The following B3GALNT2 variants were observed in gnomAD, a reference collection of about 807,000 sequenced individuals.
B3GALNT2 encodes the protein beta-1,3-N-acetylgalactosaminyltransferase 2, also known as UDP-GalNAc:beta-1,3-N-acetylgalactosaminyltransferase 2.
A neutral mutation model predicts 61.1 loss-of-function variants in B3GALNT2; 53 were observed. The observed-to-expected ratio is 0.87, with a 90% CI of 0.70 to 1.09. The LOEUF (loss-of-function observed/expected upper bound fraction) is 1.09, where lower values mean the gene tolerates loss of function less well. Ranked by LOEUF, B3GALNT2 falls within the 50% of genes least tolerant of loss-of-function variation. The pLI, the probability that B3GALNT2 is intolerant of heterozygous loss-of-function variation, is 0.00. For missense variants in B3GALNT2, 544 were observed against 623.0 expected, an observed-to-expected ratio of 0.87 and a Z score of 1.35; for synonymous variants, 223 against 237.4, an observed-to-expected ratio of 0.94 and a Z score of 0.56.
At chr1:235,496,311 G>GAAAAA in intron 1 of B3GALNT2, 2 of 752,998 alleles carry the variant, frequency 2.7e-6, no homozygotes, top group South Asian at 5.3e-5. Flanking sequence ...GACTCCACCT[G>GAAAAA]AAAAAAAAAA....
chr1:235,479,893 C>A, intron 5 of B3GALNT2, 161 bp downstream of exon 5: 1 of 1,259,926 alleles, frequency 7.9e-7, no homozygotes, highest in Non-Finnish European at 1.0e-6. Flanking sequence ...GGTTTGAATA[C>A]AGAGTGCTAT....
intron 7 of B3GALNT2, among the ~76,000 whole-genome samples, chr1:235,462,902 CATT>C (rs1393849353): frequency 2.0e-5 from 3 of 152,110 alleles, no homozygotes; most frequent in Non-Finnish European, 4.4e-5. Context: ...GAAAGTAAGT[CATT>C]ATATGAAAAA....
At chr1:235,496,605 C>T (rs1315391002) in intron 1 of B3GALNT2, among the ~76,000 whole-genome samples, 3 of 146,536 alleles carry the variant, frequency 2.0e-5, no homozygotes, top group Admixed American at 6.9e-5. Context: ...AGTGCAGTGG[C>T]GGCGATCTCG....
At chr1:235,465,571 C>T (rs1427357266) in intron 7 of B3GALNT2, 65 bp downstream of exon 7, 1 of 1,559,452 alleles carries the variant, frequency 6.4e-7, no homozygotes, top group Non-Finnish European at 8.7e-7. Context: ...ATCCTTTTCT[C>T]TCAAGTATAA....
At chr1:235,471,385 T>C (rs571024813) in intron 5 of B3GALNT2, among the ~76,000 whole-genome samples, 2 of 152,318 alleles carry the variant, frequency 1.3e-5, no homozygotes, top group South Asian at 2.1e-4. Flanking sequence ...ACTAAAATAA[T>C]GTAGGCATGT....
chr1:235,485,359 G>A (rs1260657468), intron 3 of B3GALNT2, among the ~76,000 whole-genome samples: 1 of 152,162 alleles, frequency 6.6e-6, no homozygotes, highest in African/African-American at 2.4e-5. Flanking sequence ...AGTCACCCAG[G>A]CTGCAGTGCA....
Position 235,453,087 on chromosome 1 carries a change from TA to T in B3GALNT2, c.1368+2del. On this transcript the variant is annotated splice_donor_variant, in intron 11 of 11. Transcript: ENST00000366600. LOFTEE classifies it high-confidence loss of function. The stretch of plus-strand genomic sequence containing the variant: ...AACCCTGAGGCCATCCCCAAAGACT[TA>T]CCTGGTATCTTTTAGGTCCTATGGC... 6.2e-7 allele frequency: 1 copy of T among 1,609,006 alleles called. No homozygotes were observed. The highest frequency in any genetic ancestry group is 1.1e-5 in the South Asian group (1 of 90,958).
At position 235,449,336 on chromosome 1, in the gene B3GALNT2, T is replaced by TTTGA. The variant is rs1310991568; in HGVS notation, c.*866_*869dup. On this transcript the variant is annotated 3_prime_UTR_variant, in exon 12 of 12. Coordinates refer to ENST00000366600, the MANE Select transcript of B3GALNT2 (RefSeq NM_152490.5). ...TATATCTTCTTCTGTGATAACCAGCTTTGATTGAAATGTACTCATATTAGG... is the reference window on the plus strand; with the variant it reads ...TATATCTTCTTCTGTGATAACCAGCTTTGATTGATTGAAATGTACTCATATTAGG... The TTTGA allele has an allele frequency of 1.9e-5, 3 of 156,370 alleles. No homozygotes were observed. Among genetic ancestry groups the TTTGA allele is most frequent in the South Asian group, 1.9e-4 (1 of 5,210 alleles). 9.7% of individuals were successfully genotyped at this position (156,370 alleles called of 1,614,324 possible).
chr1:235,481,545 T>C (rs910198593), intron 4 of B3GALNT2, among the ~76,000 whole-genome samples: 5 of 152,284 alleles, frequency 3.3e-5, no homozygotes, highest in Admixed American at 3.3e-4. Context: ...GGTCTCACTG[T>C]ATTGCCTAGG....
At chr1:235,468,871 C>G (rs1336415338) in intron 6 of B3GALNT2, among the ~76,000 whole-genome samples, 1 of 152,162 alleles carries the variant, frequency 6.6e-6, no homozygotes, top group Admixed American at 6.5e-5. Context: ...ATAAAACTTT[C>G]TATTTTCAGT....
At chr1:235,441,586 C>T in the B3GALNT2 span, 1 of 558,458 alleles carries the variant, frequency 1.8e-6, no homozygotes, top group Non-Finnish European at 3.2e-6. Flanking sequence ...TAACAATGAG[C>T]TAGATAAGCT....
chr1:235,488,508 C>G (rs1403006775), intron 3 of B3GALNT2, among the ~76,000 whole-genome samples: 1 of 150,760 alleles, frequency 6.6e-6, no homozygotes, highest in Non-Finnish European at 1.5e-5. Flanking sequence ...ACAGTGAAAC[C>G]CCATCTCTAC....
At chr1:235,440,439 C>G in the B3GALNT2 span, among the ~76,000 whole-genome samples, 1 of 152,116 alleles carries the variant, frequency 6.6e-6, no homozygotes, top group Non-Finnish European at 1.5e-5. Flanking sequence ...GTTGCCCAGA[C>G]TGGAGTCCAA....
At chr1:235,468,381 ATT>A (rs1386674471) in intron 6 of B3GALNT2, among the ~76,000 whole-genome samples, 1 of 147,180 alleles carries the variant, frequency 6.8e-6, no homozygotes, top group East Asian at 2.0e-4. Flanking sequence ...CTCTATAATA[ATT>A]TTTACTCCCA....
intron 7 of B3GALNT2, among the ~76,000 whole-genome samples, chr1:235,459,420 T>A (rs184012989): frequency 6.6e-6 from 1 of 152,222 alleles, no homozygotes; most frequent in East Asian, 1.9e-4. Context: ...CCCAGGAGTT[T>A]GAGATCACTC....
intron 2 of B3GALNT2, among the ~76,000 whole-genome samples, chr1:235,491,365 T>C (rs1685059117): frequency 6.6e-6 from 1 of 152,208 alleles, no homozygotes; most frequent in African/African-American, 2.4e-5. Context: ...ATAAACAGTA[T>C]TGTATAGGTT....
intron 5 of B3GALNT2, among the ~76,000 whole-genome samples, chr1:235,474,671 A>T (rs551809560): frequency 1.3e-5 from 2 of 151,916 alleles, no homozygotes; most frequent in African/African-American, 2.4e-5. Context: ...AATAAAAAAA[A>T]TTAGCCAGGT....
intron 6 of B3GALNT2, among the ~76,000 whole-genome samples, 174 bp downstream of exon 6, chr1:235,470,676 A>AT (rs1217951362): frequency 3.3e-5 from 5 of 152,134 alleles, no homozygotes; most frequent in African/African-American, 1.2e-4. Flanking sequence ...ACAGGATCAT[A>AT]TTTGAGTTTT....
At chr1:235,454,695 C>T (rs1683084795) in intron 9 of B3GALNT2, among the ~76,000 whole-genome samples, 1 of 152,176 alleles carries the variant, frequency 6.6e-6, no homozygotes, top group South Asian at 2.1e-4. Flanking sequence ...CCTCCTCAGC[C>T]TCCCAAAGTG....
Sources: allele counts gnomAD v4.1 joint callset (sites outside exome capture counted in the v4.1 genomes callset), GRCh38; gene constraint gnomAD v4.1.1; transcripts MANE v1.5; gene names NCBI Gene and HGNC (gene_info 2026-07-23, HGNC 2026-07-21).